Variants in MED13L observed in about 807,000 individuals in gnomAD.
MED13L encodes the protein mediator complex subunit 13L.
MED13L carries 7 observed loss-of-function variants against 220.9 expected under a neutral mutation model. The ratio of observed to expected loss-of-function variants is 0.03; its 90% CI spans 0.02 to 0.06. The LOEUF (loss-of-function observed/expected upper bound fraction) is 0.06. Among genes scored for constraint, MED13L ranks in the 10% least tolerant of loss-of-function variants. The pLI is 1.00. For missense variants in MED13L, 1,965 were observed against 2,760.5 expected, an observed-to-expected ratio of 0.71 and a Z score of 6.46; for synonymous variants, 1,011 against 1,015.2, an observed-to-expected ratio of 1.00 and a Z score of 0.08.
At chr12:116,239,378 A>AT (rs1870402606) in intron 1 of MED13L, among the ~76,000 whole-genome samples, 1 of 152,224 alleles carries the variant, frequency 6.6e-6, no homozygotes, top group South Asian at 2.1e-4. Flanking sequence ...GTAATACACC[A>AT]TAATCACATT....
At position 116,108,027 on chromosome 12, in the gene MED13L, T is replaced by C. The variant is rs1022044668; in HGVS notation, c.395+3401A>G. Among the ~76,000 whole-genome samples the C allele has an allele frequency of 6.3e-4, 95 of 151,736 alleles. No individual in the cohort carries two copies. In the Middle Eastern group the frequency reaches 0.014, roughly 22 times the overall value. On this transcript the variant is annotated intron_variant, in intron 3 of 30. Transcript: ENST00000281928. Reference sequence around the variant, plus strand: ...ATTGCTTGAACCTGGGAGGCGGAGGTTGCAGTGAGCCGAGATCGTGCCACT... The same window carrying C: ...ATTGCTTGAACCTGGGAGGCGGAGGCTGCAGTGAGCCGAGATCGTGCCACT...
At chr12:116,168,108 A>C (rs1879412470) in intron 2 of MED13L, among the ~76,000 whole-genome samples, 1 of 152,212 alleles carries the variant, frequency 6.6e-6, no homozygotes, top group Non-Finnish European at 1.5e-5. Context: ...CTACTGAACC[A>C]ATCTAATCTT....
chr12:116,022,674 T>C, intron 4 of MED13L, 73 bp from the exon 5 acceptor site: 1 of 1,475,784 alleles, frequency 6.8e-7, no homozygotes. Context: ...GAACTACAGG[T>C]AAGATACAGC....
chr12:115,977,132 G>A (rs959430752), intron 23 of MED13L, among the ~76,000 whole-genome samples: 3 of 152,140 alleles, frequency 2.0e-5, no homozygotes, highest in Non-Finnish European at 2.9e-5. Flanking sequence ...CAGCCTGGGC[G>A]ACAGAGTAAG....
chr12:116,009,069 C>T lies in MED13L; in HGVS notation c.1344G>A (p.Gly448=). Residue 448 remains glycine (G), a synonymous_variant, in exon 10 of 31, where the codon GGG becomes GGA. Transcript: ENST00000281928. ...PNRPPTVSQP[G]FSAGPSSSSS... is the part of the protein sequence containing the mutation. ...AAGATGATGATGGTCCTGCACTGAA[C>T]CCTGGTTGAGATACTGTGGGAGGTC... 2 of 1,614,054 alleles carry T rather than the reference C, an allele frequency of 1.2e-6. No homozygotes were observed. The highest frequency in any genetic ancestry group is 1.3e-5 in the African/African-American group (1 of 75,012).
At chr12:116,215,867 A>T (rs1320216454) in intron 2 of MED13L, among the ~76,000 whole-genome samples, 1 of 152,140 alleles carries the variant, frequency 6.6e-6, no homozygotes, top group African/African-American at 2.4e-5. Context: ...TTTATTTAAC[A>T]TATTGTAGCC....
intron 1 of MED13L, among the ~76,000 whole-genome samples, chr12:116,273,188 C>G (rs1488318011): frequency 6.6e-6 from 1 of 152,036 alleles, no homozygotes; most frequent in Admixed American, 6.6e-5. Flanking sequence ...CCTGTAATCC[C>G]AGGTATTCCG....
At chr12:116,164,944 C>G (rs1879140212) in intron 2 of MED13L, among the ~76,000 whole-genome samples, 2 of 152,190 alleles carry the variant, frequency 1.3e-5, no homozygotes, top group South Asian at 4.1e-4. Flanking sequence ...AAAAGTGTAG[C>G]TGGAGCATAA....
chr12:115,967,990 T>C (rs1192954010), intron 28 of MED13L, among the ~76,000 whole-genome samples: 3 of 146,382 alleles, frequency 2.0e-5, no homozygotes, highest in East Asian at 4.1e-4. Flanking sequence ...GCTCTGTGAC[T>C]AATCTAAGCT....
chr12:116,045,601 T>C (rs751329690), intron 4 of MED13L, among the ~76,000 whole-genome samples: 1 of 152,166 alleles, frequency 6.6e-6, no homozygotes, highest in Non-Finnish European at 1.5e-5. Flanking sequence ...TATCTGGTAA[T>C]AGTATATATG....
intron 2 of MED13L, among the ~76,000 whole-genome samples, chr12:116,127,053 A>G (rs978694168): frequency 3.9e-5 from 6 of 152,230 alleles, no homozygotes; most frequent in Non-Finnish European, 8.8e-5. Flanking sequence ...ATAGGCTATC[A>G]ATAGTTTGTC....
At chr12:115,971,849 A>G (rs1276385486) in intron 26 of MED13L, among the ~76,000 whole-genome samples, 1 of 152,172 alleles carries the variant, frequency 6.6e-6, no homozygotes, top group Non-Finnish European at 1.5e-5. Context: ...TGAGATCTCA[A>G]TGATATTCAG....
intron 1 of MED13L, among the ~76,000 whole-genome samples, chr12:116,271,846 C>T (rs1034989112): frequency 6.6e-6 from 1 of 152,012 alleles, no homozygotes; most frequent in Non-Finnish European, 1.5e-5. Flanking sequence ...TAAAATCTGT[C>T]TAATCTGGCT....
At chr12:116,019,522 A>C (rs1301504766) in intron 6 of MED13L, 110 bp from the exon 7 acceptor site, 1 of 1,262,006 alleles carries the variant, frequency 7.9e-7, no homozygotes, top group Non-Finnish European at 1.1e-6. Context: ...AGTACTGCCA[A>C]AAGTGATAGG....
Position 116,003,208 on chromosome 12 carries a change from CG to C in MED13L, c.2470-107del, listed in dbSNP as rs1164245466. On this transcript the variant is annotated intron_variant, in intron 13 of 30. Transcript: ENST00000281928. The stretch of plus-strand genomic sequence containing the variant: ...ATTGGTAGATGCCTCTTGGTAGAAG[CG>C]TTTACCAGGTGAACCTCTAGAAATA... 3 of 924,036 alleles carry C rather than the reference CG, an allele frequency of 3.2e-6. No homozygotes were observed. In the Admixed American group the frequency reaches 5.8e-5, roughly 18 times the overall value. 57.2% of individuals were successfully genotyped at this position (924,036 alleles called of 1,614,324 possible).
intron 2 of MED13L, among the ~76,000 whole-genome samples, chr12:116,148,817 T>C (rs117454764): frequency 0.011 from 1,640 of 152,240 alleles, 10 homozygotes; most frequent in Non-Finnish European, 0.017. Context: ...AACCACACTT[T>C]GAAATCTTTC....
chr12:115,988,010 T>C (rs1405251483), intron 17 of MED13L, among the ~76,000 whole-genome samples: 2 of 152,098 alleles, frequency 1.3e-5, no homozygotes, highest in African/African-American at 4.8e-5. Context: ...GGATGGAGGG[T>C]TCATCATGCA....
intron 2 of MED13L, among the ~76,000 whole-genome samples, chr12:116,173,717 T>A (rs934451105): frequency 1.3e-5 from 2 of 152,042 alleles, no homozygotes; most frequent in African/African-American, 4.8e-5. Flanking sequence ...CCTTAATTTA[T>A]AAGGAATCAG....
rs573584508 is a variant in MED13L, at chr12:116,077,320, A to G, written c.479+19349T>C. ...GAAAGTTATTTTACTCACGCCCACT[A>G]ATGGCCAAAGCAAGATCATTTTTCT... is the stretch of plus-strand genomic sequence containing the variant. On this transcript the variant is annotated intron_variant, in intron 4 of 30. Coordinates refer to ENST00000281928, the MANE Select transcript of MED13L (RefSeq NM_015335.5). Among the ~76,000 whole-genome samples, 3 of 152,306 alleles carry G rather than the reference A, an allele frequency of 2.0e-5. No homozygotes were observed. In the South Asian group the frequency reaches 6.2e-4, roughly 32 times the overall value.
Sources: gnomAD v4.1 joint callset for allele counts (sites outside exome capture counted in the v4.1 genomes callset) on GRCh38, gnomAD v4.1.1 for gene constraint, MANE v1.5 for transcripts, NCBI Gene and HGNC (gene_info 2026-07-23, HGNC 2026-07-21) for gene names.